SPTA1: variants seen among roughly 807,000 people sequenced by gnomAD.
The protein encoded by SPTA1 is spectrin alpha chain, erythrocytic 1.
In SPTA1, 177 loss-of-function variants were observed where a neutral mutation model predicts 324.7. The ratio of observed to expected loss-of-function variants is 0.55; its 90% CI spans 0.48 to 0.62. SPTA1 has a LOEUF of 0.62. Among genes scored for constraint, SPTA1 ranks in the 20% least tolerant of loss-of-function variants. The pLI, the probability that SPTA1 is intolerant of heterozygous loss-of-function variation, is 0.00. For missense variants in SPTA1, 3,162 were observed against 2,883.6 expected (o/e 1.10, Z -2.21); for synonymous variants, 1,195 against 1,041.3 (o/e 1.15, Z -2.84).
In SPTA1 at chr1:158,661,413, C is replaced by A. The variant is rs368194774; in HGVS notation, c.2465-4G>T. 9.9e-6 allele frequency: 16 copies of A among 1,613,716 alleles called. No homozygotes were observed. In the Admixed American group the frequency reaches 2.7e-4, roughly 27 times the overall value. On this transcript the variant is annotated splice_region_variant and splice_polypyrimidine_tract_variant and intron_variant, in intron 17 of 51. Transcript: ENST00000643759. The stretch of plus-strand genomic sequence containing the variant: ...TTGGAAGCAATCAGGTCCTTTCCTG[C>A]AGAGGAAAGGAATTTCAAAGTTTCG...
At chr1:158,613,372 C>G (rs1196947015) in intron 50 of SPTA1, among the ~76,000 whole-genome samples, 1 of 152,034 alleles carries the variant, frequency 6.6e-6, no homozygotes, top group Non-Finnish European at 1.5e-5. Context: ...ACATAACCAC[C>G]CCAACCCCAT....
rs768010758 is a variant in SPTA1, at chr1:158,638,130, C to T, written c.5092G>A (p.Val1698Ile). 1.2e-6 allele frequency: 2 copies of T among 1,613,930 alleles called. No individual in the cohort carries two copies. The highest frequency in any genetic ancestry group is 1.7e-5 in the Admixed American group (1 of 59,944). The stretch of plus-strand genomic sequence containing the variant: ...TGGTGTGCAGCTGCCAATTCTTGGA[C>T]ATTCAGGAAACGCTTGTTGACATTA... ...KDNVNKRFLN[V>I]QELAAAHHEK... Residue 1698 changes from valine to isoleucine, a missense_variant, in exon 36 of 52, where the codon GTC becomes ATC. Physicochemically the swap from Val to Ile is conservative, Grantham distance 29 (BLOSUM62 3). Coordinates refer to ENST00000643759, the MANE Select transcript of SPTA1 (RefSeq NM_003126.4).
At chr1:158,681,696 G>T (rs781588696) in intron 3 of SPTA1, 29 bp from the exon 4 acceptor site, 7 of 1,613,170 alleles carry the variant, frequency 4.3e-6, no homozygotes, top group Non-Finnish European at 5.9e-6. Context: ...AAACCACTCA[G>T]CCACAGACAC....
chr1:158,634,396 C>T (rs546545340), intron 39 of SPTA1, 147 bp downstream of exon 39: 20 of 1,221,650 alleles, frequency 1.6e-5, no homozygotes, highest in African/African-American at 1.1e-4. Context: ...TTTAATTTTT[C>T]GTATTTAAAA....
At chr1:158,655,553 T>C (rs1431935905) in intron 20 of SPTA1, among the ~76,000 whole-genome samples, 1 of 149,126 alleles carries the variant, frequency 6.7e-6, no homozygotes, top group African/African-American at 2.5e-5. Context: ...TGTTCTTGTT[T>C]AGGCACCCAC....
chr1:158,638,321 G>T (rs989001002), intron 35 of SPTA1, 80 bp from the exon 36 acceptor site: 11 of 1,409,088 alleles, frequency 7.8e-6, no homozygotes, highest in Middle Eastern at 1.9e-4. Flanking sequence ...AGCTGGTCTG[G>T]CTCAAAGACT....
rs1183074769 is a variant in SPTA1, at chr1:158,617,898, C to T, written c.6548+141G>A. 21 of 842,386 alleles carry T rather than the reference C, an allele frequency of 2.5e-5. No homozygotes were observed. In the East Asian group the frequency reaches 5.4e-4, roughly 22 times the overall value. The allele number at this position is 842,386 out of a possible 1,614,324, so 52.2% of individuals were successfully genotyped here. A position where few individuals can be genotyped will look rare whatever the true frequency, so the allele number is the denominator to read the frequency against. Reference sequence around the variant, plus strand: ...TAAGGGCAGAATGAAATATAATGAGCTTTTCCTTCTCACTCCACATTTTTA... The same window carrying T: ...TAAGGGCAGAATGAAATATAATGAGTTTTTCCTTCTCACTCCACATTTTTA... On this transcript the variant is annotated intron_variant, in intron 46 of 51. Coordinates refer to ENST00000643759, the MANE Select transcript of SPTA1 (RefSeq NM_003126.4).
chr1:158,631,950 C>A (rs1025530133), intron 39 of SPTA1, among the ~76,000 whole-genome samples: 1 of 151,896 alleles, frequency 6.6e-6, no homozygotes, highest in Non-Finnish European at 1.5e-5. Context: ...GGTATTTATC[C>A]AAAAGGATAA....
At chr1:158,662,288 G>C (rs1199549776) in intron 17 of SPTA1, among the ~76,000 whole-genome samples, 1 of 152,144 alleles carries the variant, frequency 6.6e-6, no homozygotes, top group African/African-American at 2.4e-5. Context: ...TGAAGGAAAG[G>C]ACAGTATGTG....
chr1:158,661,204 T>A (rs1379323606), intron 18 of SPTA1, 83 bp downstream of exon 18: 1 of 1,604,808 alleles, frequency 6.2e-7, no homozygotes, highest in African/African-American at 1.3e-5. Flanking sequence ...TTAAATTCCC[T>A]TGAAACCCTA....
At position 158,626,182 on chromosome 1, in the gene SPTA1, T is replaced by C. The variant is rs1248186498; in HGVS notation, c.5874A>G (p.Ala1958=). 2 of 1,613,810 alleles carry C rather than the reference T, an allele frequency of 1.2e-6. No individual in the cohort carries two copies. Among genetic ancestry groups the C allele is most frequent in the Non-Finnish European group, 1.7e-6 (2 of 1,179,730 alleles). Reference sequence around the variant, plus strand: ...GAAGAGTGAGGAAGTCACCAAGGTCTGCACCATTGCCATTGGTCTTTAGGC... The same window carrying C: ...GAAGAGTGAGGAAGTCACCAAGGTCCGCACCATTGCCATTGGTCTTTAGGC... ...ETSLKTNGNG[A]DLGDFLTLLA... The change falls in exon 42 of 52, where the codon GCA becomes GCG. Residue 1958 remains alanine (A), a synonymous_variant. Coordinates refer to ENST00000643759, the MANE Select transcript of SPTA1 (RefSeq NM_003126.4).
intron 33 of SPTA1, 32 bp downstream of exon 33, chr1:158,642,379 C>A (rs762261137): frequency 1.2e-6 from 2 of 1,608,990 alleles, no homozygotes; most frequent in Non-Finnish European, 1.7e-6. Flanking sequence ...CTTCATGTGA[C>A]TTTGTAGCCC....
Position 158,657,471 on chromosome 1 carries a change from C to A in SPTA1, c.2805+6G>T. 3.8e-6 allele frequency: 6 copies of A among 1,564,468 alleles called. No homozygotes were observed. Among genetic ancestry groups the A allele is most frequent in the East Asian group, 2.2e-5 (1 of 44,522 alleles). On this transcript the variant is annotated splice_donor_region_variant and intron_variant, in intron 19 of 51. Transcript: ENST00000643759. ...ATTCACAATGTTAAACCCACCCCCA[C>A]CTTACCCCAGCTGCTTCTTCATCAG...
chr1:158,626,604 G>A (rs572541063), intron 41 of SPTA1, among the ~76,000 whole-genome samples: 25 of 152,032 alleles, frequency 1.6e-4, no homozygotes, highest in African/African-American at 2.9e-4. Flanking sequence ...CTGGAGTTAC[G>A]GTACATAATT....
At chr1:158,654,966 C>G (rs1557963835) in intron 20 of SPTA1, among the ~76,000 whole-genome samples, 1 of 152,100 alleles carries the variant, frequency 6.6e-6, no homozygotes, top group East Asian at 1.9e-4. Context: ...AAACCCAAAG[C>G]AAGGAAGGAA....
intron 50 of SPTA1, 104 bp downstream of exon 50, chr1:158,613,617 T>G: frequency 1.3e-6 from 2 of 1,546,558 alleles, no homozygotes; most frequent in Non-Finnish European, 1.8e-6. Flanking sequence ...TTCTTCCTAT[T>G]TTCAGATGAG....
Position 158,643,393 on chromosome 1 carries a change from A to G in SPTA1, c.4371T>C (p.Ala1457=). The G allele has an allele frequency of 1.2e-6, 2 of 1,613,888 alleles. No individual in the cohort carries two copies. Among genetic ancestry groups the G allele is most frequent in the Non-Finnish European group, 1.7e-6 (2 of 1,179,886 alleles). ...EGKITDLEHF[A]ESLIADEHYA... is the part of the protein sequence containing the mutation. ...AGTGTTCATCAGCAATGAGGCTCTC[A>G]GCAAAATGTTCTAGGTCAGTGATCT... Residue 1457 remains alanine, a synonymous_variant, in exon 31 of 52, where the codon GCT becomes GCC. Transcript: ENST00000643759.
chr1:158,654,504 A>G lies in SPTA1; in HGVS notation c.3036+107T>C, dbSNP rs143528099. On this transcript the variant is annotated intron_variant, in intron 21 of 51. Coordinates refer to ENST00000643759, the MANE Select transcript of SPTA1 (RefSeq NM_003126.4). ...CAGTTATAGTTATTCAAGAAATAAA[A>G]TAATAAAATAAATGTTAGATGGTAA... 53 of 1,463,120 alleles carry G rather than the reference A, an allele frequency of 3.6e-5. No homozygotes were observed. In the East Asian group the frequency reaches 1.3e-3, roughly 36 times the overall value. 90.6% of individuals were successfully genotyped at this position (1,463,120 alleles called of 1,614,324 possible).
intron 18 of SPTA1, among the ~76,000 whole-genome samples, chr1:158,661,076 AC>A (rs1371008265): frequency 3.3e-5 from 5 of 152,210 alleles, no homozygotes; most frequent in African/African-American, 1.2e-4. Flanking sequence ...TGTTTTACAA[AC>A]AAATAGTGGT....
Sources: gnomAD v4.1 joint callset for allele counts (sites outside exome capture counted in the v4.1 genomes callset) on GRCh38, gnomAD v4.1.1 for gene constraint, MANE v1.5 for transcripts, NCBI Gene and HGNC (gene_info 2026-07-23, HGNC 2026-07-21) for gene names.